The following TMEM232 variants were observed in gnomAD, a reference collection of about 807,000 sequenced individuals.
The protein encoded by TMEM232 is transmembrane protein 232.
Under a neutral mutation model 78.8 loss-of-function variants are expected in TMEM232, and 80 were observed. The ratio of observed to expected loss-of-function variants is 1.01; its 90% CI spans 0.85 to 1.22. The LOEUF (loss-of-function observed/expected upper bound fraction) is 1.22. TMEM232 is among the 50% of genes most tolerant of loss of function. The pLI, the probability that TMEM232 is intolerant of heterozygous loss-of-function variation, is 0.00. For missense variants in TMEM232, 881 were observed against 742.2 expected, an observed-to-expected ratio of 1.19 and a Z score of -2.17; for synonymous variants, 297 against 254.3, an observed-to-expected ratio of 1.17 and a Z score of -1.60.
chr5:110,465,790 T>G (rs1007367919), intron 12 of TMEM232, among the ~76,000 whole-genome samples: 1 of 152,186 alleles, frequency 6.6e-6, no homozygotes, highest in Admixed American at 6.5e-5. Flanking sequence ...TGCTCCTACA[T>G]GGAATATGCT....
intron 2 of TMEM232, among the ~76,000 whole-genome samples, chr5:110,647,429 T>C (rs577297970): frequency 2.6e-5 from 4 of 152,114 alleles, no homozygotes; most frequent in East Asian, 1.9e-4. Context: ...CTCACAACTG[T>C]TATACCTACG....
chr5:110,720,624 A>G (rs1330874177), intron 1 of TMEM232: 4 of 152,162 alleles, frequency 2.6e-5, no homozygotes, highest in Non-Finnish European at 5.9e-5. Flanking sequence ...GCCAGCCTTC[A>G]GGATTTTTTT....
At chr5:110,734,498 C>G (rs140882362) in intron 2 of TMEM232, among the ~76,000 whole-genome samples, 1 of 152,194 alleles carries the variant, frequency 6.6e-6, no homozygotes, top group Non-Finnish European at 1.5e-5. Context: ...TATGGACATA[C>G]AGTATAATAC....
chr5:110,635,101 T>C (rs575862360), intron 5 of TMEM232, among the ~76,000 whole-genome samples: 1 of 152,002 alleles, frequency 6.6e-6, no homozygotes, highest in South Asian at 2.1e-4. Context: ...ACGGATAAAT[T>C]CCTGAAAACA....
upstream of TMEM232, chr5:110,738,137 G>T: frequency 9.5e-7 from 1 of 1,049,284 alleles, no homozygotes; most frequent in Non-Finnish European, 1.2e-6. Context: ...AAAAGCTCTA[G>T]GAATCCTGGG....
intron 11 of TMEM232, among the ~76,000 whole-genome samples, chr5:110,563,459 A>G (rs1311813145): frequency 6.6e-6 from 1 of 151,940 alleles, no homozygotes; most frequent in East Asian, 1.9e-4. Flanking sequence ...ATTTGACAGT[A>G]GCATATAAAA....
intron 12 of TMEM232, among the ~76,000 whole-genome samples, chr5:110,471,660 C>T (rs1279437041): frequency 6.6e-6 from 1 of 151,082 alleles, no homozygotes; most frequent in Admixed American, 6.6e-5. Flanking sequence ...GCCAAGAATT[C>T]TATACCTAGC....
At chr5:110,683,336 T>C (rs1205756554) in intron 1 of TMEM232, among the ~76,000 whole-genome samples, 1 of 151,944 alleles carries the variant, frequency 6.6e-6, no homozygotes, top group East Asian at 1.9e-4. Context: ...CACAATTACA[T>C]AGATGTAACA....
rs373712234 is a variant in TMEM232 at position 110,627,791 on chromosome 5, T to C, written c.591A>G (p.Pro197=). 21 of 1,504,658 alleles carry C rather than the reference T, an allele frequency of 1.4e-5. No individual in the cohort carries two copies. Among genetic ancestry groups the C allele is most frequent in the Middle Eastern group, 3.4e-4 (2 of 5,814 alleles). 93.2% of individuals were successfully genotyped at this position (1,504,658 alleles called of 1,614,324 possible). ...TAAAAGATATTCTACCGTATAAATA[T>C]GGTTGAAGCCTAAGTAAATGTTGTT... ...SFKQHLLRLQ[P]YLYALSFSGA... is the part of the protein sequence containing the mutation. Residue 197 remains proline (P), a synonymous_variant, in exon 6 of 14, where the codon CCA becomes CCG. Coordinates refer to ENST00000455884, the MANE Select transcript of TMEM232 (RefSeq NM_001039763.4).
At chr5:110,730,344 GAATT>G (rs1349646153), upstream of TMEM232, among the ~76,000 whole-genome samples, 2 of 152,174 alleles carry the variant, frequency 1.3e-5, no homozygotes, top group African/African-American at 4.8e-5. Context: ...TGTTGCATTA[GAATT>G]AATATTGATT....
intron 10 of TMEM232, among the ~76,000 whole-genome samples, chr5:110,579,068 A>C (rs1401619275): frequency 5.3e-5 from 8 of 151,900 alleles, no homozygotes; most frequent in Non-Finnish European, 1.2e-4. Flanking sequence ...TCTAGATATC[A>C]AAAGTATAGG....
chr5:110,697,458 T>G (rs1339563523), intron 1 of TMEM232, among the ~76,000 whole-genome samples: 1 of 152,082 alleles, frequency 6.6e-6, no homozygotes, highest in Non-Finnish European at 1.5e-5. Flanking sequence ...GGGATCTAAT[T>G]AAACTGAAGA....
intron 13 of TMEM232, among the ~76,000 whole-genome samples, chr5:110,421,414 A>G (rs1184330265): frequency 1.3e-5 from 2 of 151,612 alleles, no homozygotes; most frequent in South Asian, 2.1e-4. Flanking sequence ...ATCATCATGA[A>G]AAATATATAT....
At chr5:110,510,178 T>A (rs1212161506) in intron 12 of TMEM232, among the ~76,000 whole-genome samples, 3 of 152,192 alleles carry the variant, frequency 2.0e-5, no homozygotes, top group Non-Finnish European at 2.9e-5. Context: ...AGCCCAGGCT[T>A]CTTTCCTGAA....
At chr5:110,733,326 A>T (rs1798853522) in intron 2 of TMEM232, among the ~76,000 whole-genome samples, 1 of 152,208 alleles carries the variant, frequency 6.6e-6, no homozygotes, top group Non-Finnish European at 1.5e-5. Context: ...CACTTGACCC[A>T]GAAATCCCAT....
At chr5:110,609,368 CA>C (rs200230708) in intron 8 of TMEM232, among the ~76,000 whole-genome samples, 2,787 of 151,786 alleles carry the variant, frequency 0.018, 104 homozygotes, top group African/African-American at 0.065. Flanking sequence ...TTGTTTTCCC[CA>C]AAAAAAGTAA....
intron 5 of TMEM232, among the ~76,000 whole-genome samples, chr5:110,635,145 C>G (rs1381803229): frequency 6.6e-6 from 1 of 151,838 alleles, no homozygotes; most frequent in Admixed American, 6.6e-5. Flanking sequence ...GGAAGAAATA[C>G]AGAACCTGAC....
chr5:110,500,017 C>T (rs552009678), intron 12 of TMEM232, among the ~76,000 whole-genome samples: 158 of 152,154 alleles, frequency 1.0e-3, no homozygotes, highest in African/African-American at 3.1e-3. Flanking sequence ...ATTGGCCAGG[C>T]GCGGTGGCTC....
At chr5:110,543,742 G>C (rs932391300) in intron 11 of TMEM232, among the ~76,000 whole-genome samples, 1 of 152,024 alleles carries the variant, frequency 6.6e-6, no homozygotes, top group African/African-American at 2.4e-5. Flanking sequence ...TCTGGCCTTC[G>C]CAGCAACTCC....
Sources: allele counts gnomAD v4.1 joint callset (sites outside exome capture counted in the v4.1 genomes callset), GRCh38; gene constraint gnomAD v4.1.1; transcripts MANE v1.5; gene names NCBI Gene and HGNC (gene_info 2026-07-23, HGNC 2026-07-21).